DCP1A: variants seen among roughly 807,000 people sequenced by gnomAD.
DCP1A encodes decapping mRNA 1A.
DCP1A carries 20 observed loss-of-function variants against 58.0 expected under a neutral mutation model. The ratio of observed to expected loss-of-function variants is 0.34; its 90% CI spans 0.24 to 0.50. The LOEUF (loss-of-function observed/expected upper bound fraction) is 0.50, where lower values mean the gene tolerates loss of function less well. Ranked by LOEUF, DCP1A falls within the 20% of genes least tolerant of loss-of-function variation. The probability of loss-of-function intolerance (pLI) is 0.98; values close to 1 mark genes in which losing one functional copy is unlikely to be tolerated. For missense variants in DCP1A, 613 were observed against 712.2 expected (o/e 0.86, Z 1.59); for synonymous variants, 285 against 275.1 (o/e 1.04, Z -0.36).
chr3:53,340,503 AG>A (rs782045946), intron 3 of DCP1A, among the ~76,000 whole-genome samples: 1 of 152,204 alleles, frequency 6.6e-6, no homozygotes, highest in Non-Finnish European at 1.5e-5. Flanking sequence ...CTTCTCATTC[AG>A]GGAATTAAGA....
Position 53,308,792 on chromosome 3 carries a change from G to C in DCP1A, c.510+3449C>G, listed in dbSNP as rs990271634. 2.6e-5 allele frequency among the ~76,000 whole-genome samples: 4 copies of C among 151,970 alleles called. No homozygotes were observed. The South Asian group carries it at 8.3e-4, about 31-fold the overall frequency. On this transcript the variant is annotated intron_variant, in intron 5 of 9. Transcript: ENST00000610213. The stretch of plus-strand genomic sequence containing the variant: ...AAAAATTTTTTTTTGGTAGAGACAA[G>C]GTCTTGCTATGTTGCCCAGGGTGGT...
At chr3:53,306,231 T>C (rs917734915) in intron 5 of DCP1A, among the ~76,000 whole-genome samples, 3 of 152,334 alleles carry the variant, frequency 2.0e-5, no homozygotes, top group South Asian at 4.1e-4. Flanking sequence ...CTCAGTGTTA[T>C]CAATTTGAAT....
chr3:53,310,908 T>C (rs1209752040), intron 5 of DCP1A, among the ~76,000 whole-genome samples: 13 of 152,360 alleles, frequency 8.5e-5, no homozygotes, highest in African/African-American at 2.9e-4. Context: ...GAAGAAACTA[T>C]CTTTCAGAAC....
At chr3:53,322,264 C>A (rs534928469) in intron 3 of DCP1A, among the ~76,000 whole-genome samples, 1 of 152,052 alleles carries the variant, frequency 6.6e-6, no homozygotes, top group South Asian at 2.1e-4. Flanking sequence ...ACCACCCTGG[C>A]CAACACGATG....
At chr3:53,327,248 C>T (rs1553690681) in intron 3 of DCP1A, among the ~76,000 whole-genome samples, 1 of 152,118 alleles carries the variant, frequency 6.6e-6, no homozygotes, top group East Asian at 1.9e-4. Flanking sequence ...ATCGATCATC[C>T]ACAGCAGGGT....
intron 3 of DCP1A, among the ~76,000 whole-genome samples, chr3:53,330,457 C>T (rs781825666): frequency 6.6e-6 from 1 of 151,174 alleles, no homozygotes; most frequent in Non-Finnish European, 1.5e-5. Context: ...CTACTCAGGG[C>T]AGTGGCTGAG....
At chr3:53,301,244 C>T (rs755559714) in intron 6 of DCP1A, among the ~76,000 whole-genome samples, 1 of 151,872 alleles carries the variant, frequency 6.6e-6, no homozygotes, top group Non-Finnish European at 1.5e-5. Context: ...TAAGACTGTA[C>T]AGACTTCCTA....
chr3:53,314,724 T>A (rs1553689038), intron 4 of DCP1A, among the ~76,000 whole-genome samples: 3 of 141,402 alleles, frequency 2.1e-5, no homozygotes, highest in African/African-American at 8.0e-5. Flanking sequence ...CGGGCTAGAG[T>A]GCAGTGGTGC....
intron 2 of DCP1A, among the ~76,000 whole-genome samples, chr3:53,343,092 T>G (rs539012539): frequency 3.3e-5 from 5 of 152,364 alleles, no homozygotes; most frequent in African/African-American, 9.6e-5. Context: ...TACCTAACAC[T>G]TCACCGTTTT....
chr3:53,347,074 C>A (rs2089300395), intron 1 of DCP1A, among the ~76,000 whole-genome samples: 1 of 152,152 alleles, frequency 6.6e-6, no homozygotes, highest in African/African-American at 2.4e-5. Context: ...CTTATAACTC[C>A]CAATGTATCT....
intron 3 of DCP1A, among the ~76,000 whole-genome samples, chr3:53,326,401 C>T (rs552096318): frequency 6.6e-6 from 1 of 152,354 alleles, no homozygotes; most frequent in South Asian, 2.1e-4. Flanking sequence ...GCTACTGCCA[C>T]ACAGTACCCA....
chr3:53,298,085 G>A (rs1197933683), intron 6 of DCP1A, among the ~76,000 whole-genome samples: 1 of 152,192 alleles, frequency 6.6e-6, no homozygotes, highest in Non-Finnish European at 1.5e-5. Flanking sequence ...GCACAAGGTG[G>A]TGTGCACCTG....
chr3:53,327,159 G>T (rs1292565932), intron 3 of DCP1A, among the ~76,000 whole-genome samples: 2 of 152,064 alleles, frequency 1.3e-5, no homozygotes, highest in African/African-American at 2.4e-5. Context: ...GTCAGATGGG[G>T]TGTAAAAAAG....
rs1706583614 is a variant in DCP1A at position 53,285,084 on chromosome 3, G to A, written c.*2496C>T. The A allele has an allele frequency of 6.6e-6, 1 of 152,162 alleles. No individual in the cohort carries two copies. Among genetic ancestry groups the A allele is most frequent in the Non-Finnish European group, 1.5e-5 (1 of 68,112 alleles). The allele number at this position is 152,162 out of a possible 1,614,324, so 9.4% of individuals were successfully genotyped here. A position where few individuals can be genotyped will look rare whatever the true frequency, so the allele number is the denominator to read the frequency against. Reference sequence around the variant, plus strand: ...AGACACACCTCTCCTCCAAGCTCTGGGCTGCTCCTCTTGGAGTCTACACTT... The same window carrying A: ...AGACACACCTCTCCTCCAAGCTCTGAGCTGCTCCTCTTGGAGTCTACACTT... On this transcript the variant is annotated 3_prime_UTR_variant, in exon 10 of 10. Transcript: ENST00000610213.
At chr3:53,311,479 G>C (rs1323183140) in intron 5 of DCP1A, among the ~76,000 whole-genome samples, 1 of 152,076 alleles carries the variant, frequency 6.6e-6, no homozygotes, top group Non-Finnish European at 1.5e-5. Context: ...ATTAACGAAA[G>C]TACCACAATT....
intron 1 of DCP1A, among the ~76,000 whole-genome samples, chr3:53,346,113 A>T (rs1182758574): frequency 1.3e-5 from 2 of 152,180 alleles, no homozygotes; most frequent in African/African-American, 4.8e-5. Flanking sequence ...AGTCTTCACC[A>T]TTTGTCGGCA....
intron 5 of DCP1A, among the ~76,000 whole-genome samples, chr3:53,309,050 T>A (rs1418146003): frequency 6.6e-6 from 1 of 152,164 alleles, no homozygotes; most frequent in Non-Finnish European, 1.5e-5. Context: ...CCAAGTGTGG[T>A]TTCAACTATC....
intron 6 of DCP1A, among the ~76,000 whole-genome samples, chr3:53,293,077 T>G (rs782553102): frequency 6.6e-6 from 1 of 152,150 alleles, no homozygotes; most frequent in Non-Finnish European, 1.5e-5. Flanking sequence ...AGGATCAGAA[T>G]TCACCATTCT....
At chr3:53,310,189 C>G (rs1482149786) in intron 5 of DCP1A, among the ~76,000 whole-genome samples, 1 of 152,120 alleles carries the variant, frequency 6.6e-6, no homozygotes, top group Admixed American at 6.6e-5. Flanking sequence ...TTTAATCTAC[C>G]CATAGACGAT....
Sources: gnomAD v4.1 joint callset for allele counts (sites outside exome capture counted in the v4.1 genomes callset) on GRCh38, gnomAD v4.1.1 for gene constraint, MANE v1.5 for transcripts, NCBI Gene and HGNC (gene_info 2026-07-23, HGNC 2026-07-21) for gene names.